The following ATRNL1 variants were observed in gnomAD, a reference collection of about 807,000 sequenced individuals.
ATRNL1 encodes the protein attractin-like protein 1.
In ATRNL1, 95 loss-of-function variants were observed where a neutral mutation model predicts 182.7. The observed-to-expected ratio is 0.52, with a 90% CI of 0.44 to 0.62. The LOEUF is 0.62. Ranked by LOEUF, ATRNL1 falls within the 20% of genes least tolerant of loss-of-function variation. ATRNL1 has a pLI of 0.00. For missense variants in ATRNL1, 1,471 were observed against 1,679.5 expected (o/e 0.88, Z 2.17); for synonymous variants, 576 against 568.3 (o/e 1.01, Z -0.19).
At chr10:115,644,540 C>CAT (rs1859475703) in intron 26 of ATRNL1, among the ~76,000 whole-genome samples, 2 of 152,230 alleles carry the variant, frequency 1.3e-5, no homozygotes, top group East Asian at 3.9e-4. Flanking sequence ...ATACTTTTGC[C>CAT]ATATATAGGG....
chr10:115,849,437 C>T (rs1018408492), intron 28 of ATRNL1, among the ~76,000 whole-genome samples: 5 of 152,216 alleles, frequency 3.3e-5, no homozygotes, highest in East Asian at 3.9e-4. Context: ...AGGTTTTTCT[C>T]GATCCTTCAC....
chr10:115,707,259 TA>T (rs1555053287), intron 26 of ATRNL1, among the ~76,000 whole-genome samples: 1 of 151,790 alleles, frequency 6.6e-6, no homozygotes, highest in Admixed American at 6.6e-5. Flanking sequence ...AAATAACAGC[TA>T]ATATTCTTCT....
intron 27 of ATRNL1, among the ~76,000 whole-genome samples, chr10:115,803,564 C>G (rs966794800): frequency 3.3e-5 from 5 of 150,658 alleles, no homozygotes; most frequent in Admixed American, 3.3e-4. Flanking sequence ...TTTATTCTTG[C>G]ATAATTTTTG....
At chr10:115,563,841 C>T (rs1555000602) in intron 26 of ATRNL1, among the ~76,000 whole-genome samples, 1 of 152,062 alleles carries the variant, frequency 6.6e-6, no homozygotes, top group African/African-American at 2.4e-5. Flanking sequence ...ATTGTGCATA[C>T]TCCATCACTA....
intron 28 of ATRNL1, among the ~76,000 whole-genome samples, chr10:115,891,005 TA>T: frequency 6.6e-6 from 1 of 152,198 alleles, no homozygotes; most frequent in African/African-American, 2.4e-5. Flanking sequence ...TGTTTGGCTG[TA>T]AGGGTGCAAA....
chr10:115,103,227 TG>T (rs1392815627), intron 1 of ATRNL1, among the ~76,000 whole-genome samples: 1 of 151,912 alleles, frequency 6.6e-6, no homozygotes, highest in Non-Finnish European at 1.5e-5. Flanking sequence ...TTTGTAGAGA[TG>T]GGGTTTCGCC....
intron 27 of ATRNL1, among the ~76,000 whole-genome samples, chr10:115,747,110 A>T (rs1013590944): frequency 5.9e-5 from 9 of 152,112 alleles, no homozygotes; most frequent in South Asian, 4.1e-4. Flanking sequence ...AGTAGTTGGG[A>T]TTACTTTGAT....
intron 26 of ATRNL1, among the ~76,000 whole-genome samples, chr10:115,559,341 G>T (rs926979051): frequency 2.6e-5 from 4 of 152,050 alleles, no homozygotes. Flanking sequence ...CTAGCACCCA[G>T]ATCTTGTTTT....
In ATRNL1 at chr10:115,883,781, C is replaced by T. The variant is rs559013739; in HGVS notation, c.4018+35790C>T. Among the ~76,000 whole-genome samples the T allele has an allele frequency of 9.1e-4, 139 of 152,320 alleles. 1 individual carries two copies. Among genetic ancestry groups the T allele is most frequent in the African/African-American group, 3.2e-3 (133 of 41,576 alleles). On this transcript the variant is annotated intron_variant, in intron 28 of 28. Coordinates refer to ENST00000355044, the MANE Select transcript of ATRNL1 (RefSeq NM_207303.4). ...TAGAAAGAACTGATTTAGGGGTGAA[C>T]GTTCTGCCTAAGGCCTGGGCCTTCT...
chr10:115,452,714 A>C (rs1847338078), intron 21 of ATRNL1, among the ~76,000 whole-genome samples: 1 of 152,152 alleles, frequency 6.6e-6, no homozygotes, highest in Non-Finnish European at 1.5e-5. Flanking sequence ...ATAAGACCTA[A>C]CTTGTTAGCA....
At chr10:115,312,215 C>T (rs781844901) in intron 17 of ATRNL1, among the ~76,000 whole-genome samples, 6 of 152,068 alleles carry the variant, frequency 3.9e-5, no homozygotes, top group Non-Finnish European at 7.4e-5. Flanking sequence ...GAGTTTTATA[C>T]TTTCAAGAGG....
At chr10:115,655,535 C>A (rs1396561359) in intron 26 of ATRNL1, among the ~76,000 whole-genome samples, 1 of 152,058 alleles carries the variant, frequency 6.6e-6, no homozygotes, top group African/African-American at 2.4e-5. Context: ...ATAACTACTT[C>A]TTTTGAATTT....
At chr10:115,345,975 C>A (rs1168078026) in intron 19 of ATRNL1, among the ~76,000 whole-genome samples, 2 of 152,120 alleles carry the variant, frequency 1.3e-5, no homozygotes, top group Admixed American at 1.3e-4. Context: ...ATTTCCATTT[C>A]CTTAATGATT....
chr10:115,464,722 C>A (rs1302180845), intron 22 of ATRNL1, among the ~76,000 whole-genome samples: 1 of 151,760 alleles, frequency 6.6e-6, no homozygotes, highest in Non-Finnish European at 1.5e-5. Flanking sequence ...GCATAAGGTA[C>A]ATGTAATTAA....
chr10:115,503,259 T>C (rs1849938303), intron 24 of ATRNL1, among the ~76,000 whole-genome samples: 1 of 152,182 alleles, frequency 6.6e-6, no homozygotes, highest in Non-Finnish European at 1.5e-5. Flanking sequence ...TTCGATAAAC[T>C]GTAAAATCTT....
intron 8 of ATRNL1, among the ~76,000 whole-genome samples, chr10:115,200,006 A>G (rs79692311): frequency 0.016 from 2,446 of 152,166 alleles, 55 homozygotes; most frequent in African/African-American, 0.055. Flanking sequence ...AATTCAGATT[A>G]ATGTTTGCAT....
chr10:115,790,181 G>T (rs1243820597), intron 27 of ATRNL1, among the ~76,000 whole-genome samples: 6 of 151,116 alleles, frequency 4.0e-5, no homozygotes, highest in African/African-American at 7.3e-5. Flanking sequence ...TCTCTCCAGA[G>T]CAGGACAATC....
At chr10:115,173,008 A>G (rs1554886019) in intron 8 of ATRNL1, among the ~76,000 whole-genome samples, 2 of 151,822 alleles carry the variant, frequency 1.3e-5, no homozygotes, top group Non-Finnish European at 2.9e-5. Flanking sequence ...TCAAGTTTCA[A>G]ACACTTCCTT....
chr10:115,380,914 T>C (rs1354126720), intron 19 of ATRNL1, among the ~76,000 whole-genome samples: 2 of 152,230 alleles, frequency 1.3e-5, no homozygotes, highest in African/African-American at 4.8e-5. Context: ...AGAAGTAGAT[T>C]TGCTGGGTTA....
Sources: allele counts gnomAD v4.1 joint callset (sites outside exome capture counted in the v4.1 genomes callset), GRCh38; gene constraint gnomAD v4.1.1; transcripts MANE v1.5; gene names NCBI Gene and HGNC (gene_info 2026-07-23, HGNC 2026-07-21).